Variants in CADM2 observed in about 807,000 individuals in gnomAD.
The protein encoded by CADM2 is immunoglobulin superfamily member 4D.
In CADM2, 12 loss-of-function variants were observed where a neutral mutation model predicts 49.8. That is an observed-to-expected ratio of 0.24 (90% CI 0.15 to 0.39). The LOEUF is 0.39. CADM2 is among the 10% of genes least tolerant of loss of function. CADM2 has a pLI of 1.00. For synonymous variants in CADM2, 214 were observed against 175.4 expected (o/e 1.22, Z -1.74); for missense variants, 378 against 492.3 (o/e 0.77, Z 2.20).
chr3:85,069,585 A>T (rs1308548832), intron 1 of CADM2, among the ~76,000 whole-genome samples: 2 of 152,136 alleles, frequency 1.3e-5, no homozygotes, highest in Non-Finnish European at 2.9e-5. Flanking sequence ...AATTTTGAGG[A>T]AAGAGTGGGA....
At chr3:85,914,685 G>A (rs1416451265) in intron 6 of CADM2, among the ~76,000 whole-genome samples, 1 of 152,212 alleles carries the variant, frequency 6.6e-6, no homozygotes, top group East Asian at 1.9e-4. Flanking sequence ...CAATAGTCAA[G>A]CAAAACCACA....
chr3:85,264,383 A>T (rs756701625), intron 1 of CADM2, among the ~76,000 whole-genome samples: 1 of 152,132 alleles, frequency 6.6e-6, no homozygotes, highest in Non-Finnish European at 1.5e-5. Context: ...CAAATGTTTT[A>T]TGCCACATAA....
intron 1 of CADM2, among the ~76,000 whole-genome samples, chr3:85,492,790 T>C (rs1250984640): frequency 1.3e-5 from 2 of 152,056 alleles, no homozygotes. Flanking sequence ...AACACTTTTT[T>C]TAAAAAGAGG....
chr3:85,229,456 C>T (rs1368161901), intron 1 of CADM2, among the ~76,000 whole-genome samples: 1 of 152,152 alleles, frequency 6.6e-6, no homozygotes, highest in East Asian at 1.9e-4. Flanking sequence ...CCTCGGTGGG[C>T]TGCACCTACT....
intron 2 of CADM2, among the ~76,000 whole-genome samples, chr3:85,736,782 G>C (rs1452714534): frequency 3.9e-5 from 6 of 152,074 alleles, no homozygotes; most frequent in Non-Finnish European, 7.4e-5. Flanking sequence ...AAGATCACTG[G>C]CTGCTCATGA....
intron 8 of CADM2, among the ~76,000 whole-genome samples, chr3:85,990,285 A>G (rs1357583788): frequency 1.3e-5 from 2 of 152,148 alleles, no homozygotes; most frequent in Non-Finnish European, 2.9e-5. Context: ...ATACTTTATT[A>G]TAAGATAAGC....
chr3:85,554,395 G>GTACC (rs1369966724), intron 1 of CADM2, among the ~76,000 whole-genome samples: 1 of 152,140 alleles, frequency 6.6e-6, no homozygotes, highest in Non-Finnish European at 1.5e-5. Flanking sequence ...CCAGGGACCA[G>GTACC]TACCGGTTGG....
intron 1 of CADM2, among the ~76,000 whole-genome samples, chr3:85,163,722 C>T (rs2040392707): frequency 6.6e-6 from 1 of 151,978 alleles, no homozygotes; most frequent in South Asian, 2.1e-4. Flanking sequence ...TTATGGCAAT[C>T]TGTATTCACA....
intron 8 of CADM2, chr3:85,992,471 A>C (rs1053739194): frequency 5.3e-5 from 8 of 152,154 alleles, no homozygotes; most frequent in African/African-American, 1.9e-4. Flanking sequence ...ATAGTGAAAC[A>C]TTTGAATACA....
At chr3:85,111,409 G>A (rs1575892151) in intron 1 of CADM2, among the ~76,000 whole-genome samples, 1 of 151,684 alleles carries the variant, frequency 6.6e-6, no homozygotes, top group African/African-American at 2.4e-5. Flanking sequence ...CAATATATGA[G>A]GCTGCCTATT....
chr3:85,480,989 A>G (rs990313715), intron 1 of CADM2, among the ~76,000 whole-genome samples: 6 of 151,654 alleles, frequency 4.0e-5, no homozygotes, highest in Admixed American at 2.0e-4. Context: ...CATAAGCATT[A>G]AATATTTTCT....
chr3:85,327,589 C>CACACACACCA (rs1553709186), intron 1 of CADM2, among the ~76,000 whole-genome samples: 10 of 115,278 alleles, frequency 8.7e-5, no homozygotes, highest in East Asian at 6.8e-4. Context: ...CACACACACA[C>CACACACACCA]CACACACACA....
chr3:85,983,482 G>A (rs1351070177), intron 8 of CADM2, among the ~76,000 whole-genome samples: 1 of 151,612 alleles, frequency 6.6e-6, no homozygotes, highest in Non-Finnish European at 1.5e-5. Context: ...AGAAAAACAT[G>A]AAGCACAGGT....
At chr3:85,503,070 G>C (rs56350211) in intron 1 of CADM2, among the ~76,000 whole-genome samples, 2 of 125,354 alleles carry the variant, frequency 1.6e-5, no homozygotes, top group East Asian at 5.9e-4. Context: ...TGAAATGGTA[G>C]CCACACATAC....
At position 85,300,819 on chromosome 3, in the gene CADM2, G is replaced by A. The variant is rs72921321; in HGVS notation, c.61+341151G>A. ...AATGTCGGATTGGGGGTCAAAGTGGGAGGGAGACGTGCTTCTTGCTTTTTT... is the reference window on the plus strand; with the variant it reads ...AATGTCGGATTGGGGGTCAAAGTGGAAGGGAGACGTGCTTCTTGCTTTTTT... On this transcript the variant is annotated intron_variant, in intron 1 of 9. Transcript: ENST00000383699. Among the ~76,000 whole-genome samples, 1,128 of 152,182 alleles carry A rather than the reference G, an allele frequency of 7.4e-3. 17 individuals carry two copies. The highest frequency in any genetic ancestry group is 0.026 in the African/African-American group (1,060 of 41,532).
chr3:85,060,236 T>C (rs925000111), intron 1 of CADM2, among the ~76,000 whole-genome samples: 2 of 152,150 alleles, frequency 1.3e-5, no homozygotes, highest in Admixed American at 6.5e-5. Context: ...GTTCAAGTGA[T>C]TCTCCTGCCT....
At chr3:85,778,408 C>G (rs2070464254) in intron 2 of CADM2, among the ~76,000 whole-genome samples, 1 of 152,144 alleles carries the variant, frequency 6.6e-6, no homozygotes, top group South Asian at 2.1e-4. Flanking sequence ...CCCATAATCC[C>G]CGCATGTCAG....
At chr3:85,438,653 T>C (rs940663328) in intron 1 of CADM2, among the ~76,000 whole-genome samples, 1 of 152,028 alleles carries the variant, frequency 6.6e-6, no homozygotes. Context: ...TTGATAGATC[T>C]TTCCTTTCCT....
intron 2 of CADM2, among the ~76,000 whole-genome samples, chr3:85,735,244 G>A (rs1444367901): frequency 6.6e-6 from 1 of 152,084 alleles, no homozygotes; most frequent in Non-Finnish European, 1.5e-5. Context: ...TGAGTCGGTA[G>A]ACCAGGAAAA....
Sources: gnomAD v4.1 joint callset for allele counts (sites outside exome capture counted in the v4.1 genomes callset) on GRCh38, gnomAD v4.1.1 for gene constraint, MANE v1.5 for transcripts, NCBI Gene and HGNC (gene_info 2026-07-23, HGNC 2026-07-21) for gene names.